The following ADGRL3 variants were observed in gnomAD, a reference collection of about 807,000 sequenced individuals.
The protein encoded by ADGRL3 is calcium-independent alpha-latrotoxin receptor 3.
Under a neutral mutation model 153.5 loss-of-function variants are expected in ADGRL3, and 62 were observed. The observed-to-expected ratio is 0.40, with a 90% CI of 0.33 to 0.50. The LOEUF (loss-of-function observed/expected upper bound fraction) is 0.50. Ranked by LOEUF, ADGRL3 falls within the 20% of genes least tolerant of loss-of-function variation. The pLI is 0.47. For missense variants in ADGRL3, 1,641 were observed against 1,859.4 expected, an observed-to-expected ratio of 0.88 and a Z score of 2.16; for synonymous variants, 710 against 672.5, an observed-to-expected ratio of 1.06 and a Z score of -0.86.
chr4:61,564,091 C>T (rs1313617676), intron 4 of ADGRL3, among the ~76,000 whole-genome samples: 3 of 152,144 alleles, frequency 2.0e-5, no homozygotes, highest in Non-Finnish European at 4.4e-5. Context: ...TTCCTCACCT[C>T]TCTCAGCCTT....
At chr4:61,375,439 A>G (rs1330389569) in intron 1 of ADGRL3, among the ~76,000 whole-genome samples, 1 of 152,084 alleles carries the variant, frequency 6.6e-6, no homozygotes, top group Admixed American at 6.6e-5. Context: ...CCGGGACAAG[A>G]TTTCCTACAT....
intron 1 of ADGRL3, among the ~76,000 whole-genome samples, chr4:61,219,573 AT>A (rs1744429044): frequency 6.6e-6 from 1 of 152,162 alleles, no homozygotes; most frequent in Non-Finnish European, 1.5e-5. Context: ...AGAATAGTAC[AT>A]TTTTCTTAGA....
At chr4:61,677,988 T>G (rs1312979325) in intron 6 of ADGRL3, among the ~76,000 whole-genome samples, 2 of 152,028 alleles carry the variant, frequency 1.3e-5, no homozygotes, top group Non-Finnish European at 2.9e-5. Context: ...AATGAATGAT[T>G]AGAGAAAGTT....
intron 8 of ADGRL3, among the ~76,000 whole-genome samples, chr4:61,755,539 A>G (rs1388166201): frequency 2.6e-5 from 4 of 152,094 alleles, no homozygotes; most frequent in South Asian, 2.1e-4. Context: ...AGATGAGTAG[A>G]TTGCAAAAAT....
chr4:62,050,906 A>G (rs1429292367), intron 25 of ADGRL3, among the ~76,000 whole-genome samples: 2 of 151,816 alleles, frequency 1.3e-5, no homozygotes, highest in Non-Finnish European at 2.9e-5. Flanking sequence ...CCAAATAACA[A>G]ACTATTTTTA....
chr4:61,438,088 C>G (rs1307198246), intron 2 of ADGRL3, among the ~76,000 whole-genome samples: 1 of 151,994 alleles, frequency 6.6e-6, no homozygotes, highest in African/African-American at 2.4e-5. Flanking sequence ...TTATTTTGTT[C>G]TTCTTGGAAT....
At chr4:61,997,444 A>G (rs2099125573) in intron 20 of ADGRL3, among the ~76,000 whole-genome samples, 2 of 152,012 alleles carry the variant, frequency 1.3e-5, no homozygotes, top group South Asian at 4.1e-4. Flanking sequence ...TATTGCGAAC[A>G]TGTATTTTTG....
intron 1 of ADGRL3, among the ~76,000 whole-genome samples, chr4:61,344,414 A>G (rs895923105): frequency 6.6e-6 from 1 of 152,238 alleles, no homozygotes; most frequent in Non-Finnish European, 1.5e-5. Flanking sequence ...TTGATTAACA[A>G]AAGTCACTGT....
intron 2 of ADGRL3, among the ~76,000 whole-genome samples, chr4:61,413,762 A>G (rs2097114018): frequency 6.6e-6 from 1 of 152,178 alleles, no homozygotes; most frequent in Admixed American, 6.5e-5. Context: ...CAAACAACAA[A>G]CAAACAAACA....
At chr4:61,396,264 T>C (rs2096867261) in intron 2 of ADGRL3, among the ~76,000 whole-genome samples, 2 of 151,818 alleles carry the variant, frequency 1.3e-5, no homozygotes, top group Admixed American at 6.6e-5. Context: ...TTTTTCTCAT[T>C]ATTTATATTT....
At position 61,666,368 on chromosome 4, in the gene ADGRL3, G is replaced by A. The variant is rs140798827; in HGVS notation, c.474-10458G>A. On this transcript the variant is annotated intron_variant, in intron 5 of 26. Transcript: ENST00000683033. The stretch of plus-strand genomic sequence containing the variant: ...TTCTCCTTTTTTCAAACATACATAA[G>A]TCATTTGACTTGGAAATATCACATA... Among the ~76,000 whole-genome samples the A allele has an allele frequency of 4.8e-3, 729 of 151,786 alleles. 3 individuals carry two copies. The highest frequency in any genetic ancestry group is 0.016 in the African/African-American group (667 of 41,386).
rs1383151583 is a variant in ADGRL3, at chr4:61,526,294, T to C, written c.259+8776T>C. ...ACTCAATGACCTTTCATAAATCCCATATTTTTAAGGAGAGCAAGTAGTAGA... is the reference window on the plus strand; with the variant it reads ...ACTCAATGACCTTTCATAAATCCCACATTTTTAAGGAGAGCAAGTAGTAGA... On this transcript the variant is annotated intron_variant, in intron 4 of 26. Coordinates refer to ENST00000683033, the MANE Select transcript of ADGRL3 (RefSeq NM_001387552.1). 2.0e-5 allele frequency among the ~76,000 whole-genome samples: 3 copies of C among 152,156 alleles called. No individual in the cohort carries two copies. In the East Asian group the frequency reaches 5.8e-4, roughly 29 times the overall value.
intron 24 of ADGRL3, among the ~76,000 whole-genome samples, chr4:62,044,074 C>T (rs1446547859): frequency 2.0e-5 from 3 of 151,948 alleles, no homozygotes; most frequent in African/African-American, 7.2e-5. Context: ...TAAACATTCC[C>T]ATTCCAATAA....
At chr4:61,333,919 AT>A (rs67240071) in intron 1 of ADGRL3, among the ~76,000 whole-genome samples, 88,044 of 138,760 alleles carry the variant, frequency 0.63, 28,930 homozygotes, top group East Asian at 0.93. Flanking sequence ...CCCTGCCTGT[AT>A]TTTTTTTTTT....
chr4:61,226,175 C>T (rs1747886633), intron 1 of ADGRL3, among the ~76,000 whole-genome samples: 2 of 151,996 alleles, frequency 1.3e-5, no homozygotes, highest in African/African-American at 4.8e-5. Context: ...CATTTCTAAA[C>T]AGTTACAATT....
intron 5 of ADGRL3, among the ~76,000 whole-genome samples, chr4:61,623,358 TG>T (rs1446033613): frequency 6.6e-6 from 1 of 151,986 alleles, no homozygotes; most frequent in African/African-American, 2.4e-5. Flanking sequence ...CTTTCAAAAG[TG>T]GGTGCAACAA....
intron 2 of ADGRL3, among the ~76,000 whole-genome samples, chr4:61,402,987 C>T (rs536349760): frequency 6.6e-6 from 1 of 151,940 alleles, no homozygotes; most frequent in South Asian, 2.1e-4. Flanking sequence ...TGCCAGTTTC[C>T]AGCGTAGGCC....
intron 15 of ADGRL3, among the ~76,000 whole-genome samples, chr4:61,939,515 G>A (rs1249330562): frequency 6.6e-6 from 1 of 150,630 alleles, no homozygotes; most frequent in Non-Finnish European, 1.5e-5. Context: ...TGTCACCCAG[G>A]CTGGGATGCA....
At chr4:61,884,409 G>A (rs977820276) in intron 9 of ADGRL3, among the ~76,000 whole-genome samples, 3 of 152,104 alleles carry the variant, frequency 2.0e-5, no homozygotes, top group African/African-American at 7.2e-5. Context: ...AAATGCCAGA[G>A]ATTATTTCAC....
Sources: allele counts gnomAD v4.1 joint callset (sites outside exome capture counted in the v4.1 genomes callset), GRCh38; gene constraint gnomAD v4.1.1; transcripts MANE v1.5; gene names NCBI Gene and HGNC (gene_info 2026-07-23, HGNC 2026-07-21).